The following SGCD variants were observed in gnomAD, a reference collection of about 807,000 sequenced individuals.
The protein encoded by SGCD is sarcoglycan delta.
A neutral mutation model predicts 36.6 loss-of-function variants in SGCD; 18 were observed. That is an observed-to-expected ratio of 0.49 (90% CI 0.34 to 0.73). The LOEUF (loss-of-function observed/expected upper bound fraction) is 0.73. Among genes scored for constraint, SGCD ranks in the 30% least tolerant of loss-of-function variants. The probability of loss-of-function intolerance (pLI) is 0.01; values close to 1 mark genes in which losing one functional copy is unlikely to be tolerated. For missense variants in SGCD, 387 were observed against 346.7 expected, an observed-to-expected ratio of 1.12 and a Z score of -0.92; for synonymous variants, 133 against 130.6, an observed-to-expected ratio of 1.02 and a Z score of -0.12.
intron 1 of SGCD, among the ~76,000 whole-genome samples, chr5:155,939,941 G>T (rs1404526763): frequency 6.6e-6 from 1 of 150,664 alleles, no homozygotes. Flanking sequence ...TCAAGAGATT[G>T]TCCCACCTCA....
At chr5:156,031,547 T>C (rs1759348488) in intron 1 of SGCD, among the ~76,000 whole-genome samples, 1 of 152,188 alleles carries the variant, frequency 6.6e-6, no homozygotes, top group Non-Finnish European at 1.5e-5. Context: ...TTTCATTTCT[T>C]GTGTGTTAGT....
intron 1 of SGCD, among the ~76,000 whole-genome samples, chr5:155,985,203 G>T (rs546556120): frequency 2.0e-4 from 30 of 152,310 alleles, no homozygotes; most frequent in Admixed American, 1.8e-3. Context: ...TGGTTCAGCT[G>T]GTTCTTTGCT....
At chr5:156,170,443 G>C (rs948902390) in intron 3 of SGCD, among the ~76,000 whole-genome samples, 3 of 152,174 alleles carry the variant, frequency 2.0e-5, no homozygotes, top group African/African-American at 7.2e-5. Flanking sequence ...TCTAGGCATA[G>C]AAAGTTACCT....
At chr5:156,104,981 A>T (rs1156288979) in intron 1 of SGCD, among the ~76,000 whole-genome samples, 1 of 152,064 alleles carries the variant, frequency 6.6e-6, no homozygotes, top group African/African-American at 2.4e-5. Context: ...GGAACATCAC[A>T]CACTGGGGCC....
chr5:156,135,684 G>C (rs529935851), intron 3 of SGCD, among the ~76,000 whole-genome samples: 7 of 152,100 alleles, frequency 4.6e-5, no homozygotes, highest in Non-Finnish European at 8.8e-5. Flanking sequence ...TAATCTATTA[G>C]GCTTCAGAAG....
chr5:155,757,511 T>A, the SGCD span, among the ~76,000 whole-genome samples: 6 of 152,328 alleles, frequency 3.9e-5, no homozygotes, highest in Middle Eastern at 3.4e-3. Flanking sequence ...GTGCCTTGTT[T>A]AGCCCTAAAT....
intron 1 of SGCD, among the ~76,000 whole-genome samples, chr5:156,023,232 A>G (rs1214884545): frequency 6.6e-6 from 1 of 152,232 alleles, no homozygotes; most frequent in Admixed American, 6.5e-5. Flanking sequence ...TAGGAGCTTG[A>G]TAAATGGTGG....
At chr5:156,143,807 T>C (rs1193740382) in intron 3 of SGCD, among the ~76,000 whole-genome samples, 2 of 152,032 alleles carry the variant, frequency 1.3e-5, no homozygotes, top group Non-Finnish European at 1.5e-5. Flanking sequence ...TACATATGTA[T>C]ACATGTGCCA....
At chr5:155,807,635 G>A in the SGCD span, among the ~76,000 whole-genome samples, 2 of 152,232 alleles carry the variant, frequency 1.3e-5, no homozygotes, top group African/African-American at 2.4e-5. Flanking sequence ...ATTTTGCCAA[G>A]TTTAGCCCAT....
chr5:156,499,292 A>G (rs905139696), intron 3 of SGCD, among the ~76,000 whole-genome samples: 2 of 152,178 alleles, frequency 1.3e-5, no homozygotes, highest in African/African-American at 2.4e-5. Context: ...TAAAATTCAC[A>G]TGGATGAGCA....
chr5:156,047,981 C>T (rs1430387898), intron 1 of SGCD, among the ~76,000 whole-genome samples: 2 of 152,108 alleles, frequency 1.3e-5, no homozygotes, highest in African/African-American at 4.8e-5. Context: ...CATCCCCTCA[C>T]CCCAAAACAG....
intron 3 of SGCD, among the ~76,000 whole-genome samples, chr5:156,316,994 G>T (rs926014961): frequency 1.7e-4 from 26 of 151,506 alleles, no homozygotes; most frequent in African/African-American, 6.3e-4. Context: ...TTGCTATCTA[G>T]AGTTACAACA....
At chr5:156,684,514 G>A (rs573362828) in intron 7 of SGCD, among the ~76,000 whole-genome samples, 14 of 152,246 alleles carry the variant, frequency 9.2e-5, no homozygotes, top group Non-Finnish European at 1.8e-4. Flanking sequence ...GAACACTTCC[G>A]TATCCCTTTT....
chr5:156,179,857 C>T (rs561253005), intron 3 of SGCD, among the ~76,000 whole-genome samples: 1 of 152,252 alleles, frequency 6.6e-6, no homozygotes, highest in South Asian at 2.1e-4. Context: ...TTCCTCACCT[C>T]AAGTGATCTA....
At chr5:156,098,234 C>T (rs1031080273) in intron 1 of SGCD, among the ~76,000 whole-genome samples, 2 of 152,154 alleles carry the variant, frequency 1.3e-5, no homozygotes, top group African/African-American at 4.8e-5. Context: ...AAAATTCTTT[C>T]ATAGTATTTT....
chr5:156,625,820 A>G (rs1477944331), intron 6 of SGCD, among the ~76,000 whole-genome samples: 1 of 152,224 alleles, frequency 6.6e-6, no homozygotes, highest in Non-Finnish European at 1.5e-5. Context: ...GATGCTTAAT[A>G]TCATGGACCG....
chr5:156,766,190 A>C lies in SGCD; in HGVS notation c.*6800A>C, dbSNP rs1419743260. ...TTATACTTCCCTTCAAAAGACAAAT[A>C]TCTTACTTTTGATCTTTGACACTAT... On this transcript the variant is annotated 3_prime_UTR_variant, in exon 9 of 9. Transcript: ENST00000337851. 1 of 152,110 alleles carries C rather than the reference A, an allele frequency of 6.6e-6. No homozygotes were observed. Among genetic ancestry groups the C allele is most frequent in the African/African-American group, 2.4e-5 (1 of 41,426 alleles). The allele number at this position is 152,110 out of a possible 1,614,324, so 9.4% of individuals were successfully genotyped here. A position where few individuals can be genotyped will look rare whatever the true frequency, so the allele number is the denominator to read the frequency against.
At chr5:156,122,742 G>A (rs996539730) in intron 2 of SGCD, among the ~76,000 whole-genome samples, 9 of 150,066 alleles carry the variant, frequency 6.0e-5, no homozygotes, top group African/African-American at 2.0e-4. Context: ...TCTCTTACAT[G>A]GGTCTGGTGG....
At chr5:156,383,574 T>C (rs1771115354) in intron 3 of SGCD, among the ~76,000 whole-genome samples, 1 of 152,120 alleles carries the variant, frequency 6.6e-6, no homozygotes, top group African/African-American at 2.4e-5. Flanking sequence ...CTGGGGCTGC[T>C]CTGCTTCTGG....
Sources: allele counts gnomAD v4.1 joint callset (sites outside exome capture counted in the v4.1 genomes callset), GRCh38; gene constraint gnomAD v4.1.1; transcripts MANE v1.5; gene names NCBI Gene and HGNC (gene_info 2026-07-23, HGNC 2026-07-21).